UBXN7: variants seen among roughly 807,000 people sequenced by gnomAD.
UBXN7 encodes the protein UBX domain-containing protein 7.
Under a neutral mutation model 58.0 loss-of-function variants are expected in UBXN7, and 9 were observed. The observed-to-expected ratio is 0.16, with a 90% CI of 0.09 to 0.27. The LOEUF is 0.27. UBXN7 is among the 10% of genes least tolerant of loss of function. The pLI, the probability that UBXN7 is intolerant of heterozygous loss-of-function variation, is 1.00. For synonymous variants in UBXN7, 208 were observed against 205.0 expected, an observed-to-expected ratio of 1.01 and a Z score of -0.12; for missense variants, 328 against 599.6, an observed-to-expected ratio of 0.55 and a Z score of 4.73.
intron 5 of UBXN7, among the ~76,000 whole-genome samples, chr3:196,380,053 T>A (rs542854231): frequency 6.6e-6 from 1 of 152,168 alleles, no homozygotes; most frequent in African/African-American, 2.4e-5. Context: ...ATCGAGACCA[T>A]CCTGGCTACC....
intron 1 of UBXN7, among the ~76,000 whole-genome samples, chr3:196,415,952 T>G (rs1245704717): frequency 2.0e-5 from 3 of 152,336 alleles, no homozygotes; most frequent in African/African-American, 7.2e-5. Context: ...TCTCAATGTA[T>G]GGACCAAACT....
chr3:196,408,209 T>C (rs1730221919), intron 1 of UBXN7, among the ~76,000 whole-genome samples: 1 of 151,196 alleles, frequency 6.6e-6, no homozygotes, highest in African/African-American at 2.4e-5. Flanking sequence ...GAAATGTCAA[T>C]CTTCATCATT....
In UBXN7 at chr3:196,394,238, A is replaced by T. The variant is rs543767579; in HGVS notation, c.290-619T>A. On this transcript the variant is annotated intron_variant, in intron 3 of 10. Transcript: ENST00000296328. ...AGGAGACAGAGGTTGCAGTAAGCCA[A>T]GACTGCCATTGCACTCCAGCCTGGG... Among the ~76,000 whole-genome samples the T allele has an allele frequency of 2.6e-3, 389 of 150,676 alleles. 3 individuals are homozygous for T. The highest frequency in any genetic ancestry group is 4.4e-3 in the Non-Finnish European group (298 of 67,798).
rs1728317966 is a variant in UBXN7, at chr3:196,355,417, T to C, written c.*1268A>G. 1 of 152,208 alleles carries C rather than the reference T, an allele frequency of 6.6e-6. No individual in the cohort carries two copies. The highest frequency in any genetic ancestry group is 1.5e-5 in the Non-Finnish European group (1 of 68,038). The allele number at this position is 152,208 out of a possible 1,614,324, so 9.4% of individuals were successfully genotyped here. On this transcript the variant is annotated 3_prime_UTR_variant, in exon 11 of 11. Coordinates refer to ENST00000296328, the MANE Select transcript of UBXN7 (RefSeq NM_015562.2). Reference sequence around the variant, plus strand: ...AAAGCTTTCACCAACTCTAATTTGATTTTGGGTTTTGTTGGCAGAAAAAGC... The same window carrying C: ...AAAGCTTTCACCAACTCTAATTTGACTTTGGGTTTTGTTGGCAGAAAAAGC...
Position 196,421,594 on chromosome 3 carries a change from A to AC in UBXN7, c.73+10732dup, listed in dbSNP as rs1047479700. Among the ~76,000 whole-genome samples the AC allele has an allele frequency of 1.6e-3, 235 of 146,750 alleles. 1 individual carries two copies. The highest frequency in any genetic ancestry group is 2.9e-3 in the South Asian group (13 of 4,560). ...AGACCATCCTGGCCAACATGGTGAA[A>AC]CCCCCCCCCAGTCTCTAGTAAAAAT... On this transcript the variant is annotated intron_variant, in intron 1 of 10. Transcript: ENST00000296328.
intron 5 of UBXN7, among the ~76,000 whole-genome samples, chr3:196,389,319 GAATGAACAGC>G (rs1335833383): frequency 6.6e-6 from 1 of 152,168 alleles, no homozygotes; most frequent in African/African-American, 2.4e-5. Flanking sequence ...TTGAGCTTAT[GAATGAACAGC>G]AATAATTTCT....
intron 10 of UBXN7, among the ~76,000 whole-genome samples, chr3:196,360,479 C>A (rs1395945267): frequency 6.6e-6 from 1 of 152,154 alleles, no homozygotes; most frequent in East Asian, 1.9e-4. Flanking sequence ...TGTCTGTGTT[C>A]TGTAACTGCA....
Position 196,373,942 on chromosome 3 carries a change from C to A in UBXN7, c.469-1900G>T, listed in dbSNP as rs150843861. On this transcript the variant is annotated intron_variant, in intron 5 of 10. Transcript: ENST00000296328. The stretch of plus-strand genomic sequence containing the variant: ...TAAAAAGAAATATCCTCATATTGAG[C>A]CAGGAAGCCGCATTTAACTGGTCAA... Among the ~76,000 whole-genome samples the A allele has an allele frequency of 7.5e-3, 1,144 of 152,242 alleles. 10 individuals carry two copies. The highest frequency in any genetic ancestry group is 0.026 in the African/African-American group (1,074 of 41,540).
chr3:196,414,457 G>C (rs1392671128), intron 1 of UBXN7, among the ~76,000 whole-genome samples: 1 of 152,008 alleles, frequency 6.6e-6, no homozygotes, highest in Admixed American at 6.6e-5. Context: ...TCCATCTCAA[G>C]CTGCATACAA....
chr3:196,376,882 CA>C (rs1410478245), intron 5 of UBXN7, among the ~76,000 whole-genome samples: 1 of 151,622 alleles, frequency 6.6e-6, no homozygotes, highest in South Asian at 2.1e-4. Context: ...CTCATCTCTA[CA>C]AAAAATACAA....
At chr3:196,369,288 G>C in intron 7 of UBXN7, 133 bp downstream of exon 7, 1 of 704,994 alleles carries the variant, frequency 1.4e-6, no homozygotes, top group Non-Finnish European at 2.4e-6. Context: ...TAATTATAAA[G>C]GGAAAAAAAC....
intron 5 of UBXN7, among the ~76,000 whole-genome samples, chr3:196,388,157 G>A (rs1261302020): frequency 6.6e-6 from 1 of 151,868 alleles, no homozygotes; most frequent in Admixed American, 6.6e-5. Flanking sequence ...CATGGATGAA[G>A]CTGGAAACCA....
chr3:196,390,730 G>GA (rs528568666), intron 5 of UBXN7, among the ~76,000 whole-genome samples: 1,039 of 101,508 alleles, frequency 0.01, 12 homozygotes, highest in African/African-American at 0.031. Context: ...CCATCTCAAG[G>GA]AAAAAAAAAA....
chr3:196,361,841 T>C lies in UBXN7; in HGVS notation c.1308+3A>G. The C allele has an allele frequency of 5.6e-6, 9 of 1,613,642 alleles. No homozygotes were observed. Among genetic ancestry groups the C allele is most frequent in the Non-Finnish European group, 7.6e-6 (9 of 1,179,700 alleles). On this transcript the variant is annotated splice_donor_region_variant and intron_variant, in intron 10 of 10. Transcript: ENST00000296328. ...AACTGAACCAAAGCAAGCCTGTACT[T>C]ACTAGCAGTTTAGCTTGCTCTGGAA...
intron 5 of UBXN7, among the ~76,000 whole-genome samples, chr3:196,379,945 T>C (rs1017119725): frequency 3.3e-5 from 5 of 152,068 alleles, no homozygotes; most frequent in African/African-American, 7.2e-5. Context: ...GGCGAGCCTA[T>C]AGAGTAAAGT....
At chr3:196,393,775 C>T (rs570009673) in intron 3 of UBXN7, 156 bp from the exon 4 acceptor site, 147 of 578,732 alleles carry the variant, frequency 2.5e-4, no homozygotes, top group African/African-American at 2.3e-3. Context: ...ATCTCTGTCT[C>T]GTTCCAATTT....
chr3:196,399,639 T>A (rs1183737607), intron 3 of UBXN7, among the ~76,000 whole-genome samples: 1 of 152,180 alleles, frequency 6.6e-6, no homozygotes, highest in Non-Finnish European at 1.5e-5. Flanking sequence ...AGAGTCTTCC[T>A]ATGTTGTCTG....
chr3:196,401,704 G>A (rs1577463977), intron 3 of UBXN7, among the ~76,000 whole-genome samples: 1 of 147,738 alleles, frequency 6.8e-6, no homozygotes, highest in East Asian at 2.0e-4. Flanking sequence ...TGAGGCCAGA[G>A]GATCGCTTGA....
At chr3:196,396,587 C>T (rs1729781242) in intron 3 of UBXN7, among the ~76,000 whole-genome samples, 1 of 151,680 alleles carries the variant, frequency 6.6e-6, no homozygotes, top group Non-Finnish European at 1.5e-5. Flanking sequence ...ACGGTGAAAC[C>T]CCATCTCTAC....
Sources: gnomAD v4.1 joint callset for allele counts (sites outside exome capture counted in the v4.1 genomes callset) on GRCh38, gnomAD v4.1.1 for gene constraint, MANE v1.5 for transcripts, NCBI Gene and HGNC (gene_info 2026-07-23, HGNC 2026-07-21) for gene names.